ELMO1: variants seen among roughly 807,000 people sequenced by gnomAD.
ELMO1 encodes the protein engulfment and cell motility 1.
ELMO1 carries 26 observed loss-of-function variants against 98.9 expected under a neutral mutation model. The ratio of observed to expected loss-of-function variants is 0.26; its 90% CI spans 0.19 to 0.36. ELMO1 has a LOEUF of 0.36. Among genes scored for constraint, ELMO1 ranks in the 10% least tolerant of loss-of-function variants. ELMO1 has a pLI of 1.00. For missense variants in ELMO1, 627 were observed against 935.2 expected (o/e 0.67, Z 4.30); for synonymous variants, 346 against 346.0 (o/e 1.00, Z 0.00).
chr7:37,168,748 C>A (rs1185445294), intron 13 of ELMO1, among the ~76,000 whole-genome samples: 1 of 152,238 alleles, frequency 6.6e-6, no homozygotes, highest in Non-Finnish European at 1.5e-5. Flanking sequence ...TCTGCCCCTA[C>A]TGGGGGGTGC....
intron 13 of ELMO1, 43 bp downstream of exon 13, chr7:37,211,343 G>C: frequency 6.2e-7 from 1 of 1,613,300 alleles, no homozygotes; most frequent in Non-Finnish European, 8.5e-7. Flanking sequence ...GTCAGGCCCG[G>C]GGAGGCTGGA....
intron 1 of ELMO1, among the ~76,000 whole-genome samples, chr7:37,397,994 A>G (rs935030231): frequency 2.0e-5 from 3 of 152,100 alleles, no homozygotes; most frequent in Non-Finnish European, 2.9e-5. Flanking sequence ...ACACAACAAC[A>G]TACCTGTCAG....
At chr7:37,026,190 G>C (rs145215799) in intron 15 of ELMO1, among the ~76,000 whole-genome samples, 11 of 152,274 alleles carry the variant, frequency 7.2e-5, no homozygotes, top group African/African-American at 2.6e-4. Context: ...AACCATGTGA[G>C]ATGGGCACCC....
intron 13 of ELMO1, among the ~76,000 whole-genome samples, chr7:37,196,600 G>C (rs1023136054): frequency 6.6e-6 from 1 of 152,122 alleles, no homozygotes; most frequent in Admixed American, 6.5e-5. Flanking sequence ...GGGTGTCCTT[G>C]GCATGGGAGG....
At chr7:36,888,344 A>AC (rs1562798886) in intron 17 of ELMO1, among the ~76,000 whole-genome samples, 1 of 148,952 alleles carries the variant, frequency 6.7e-6, no homozygotes, top group East Asian at 1.9e-4. Flanking sequence ...TGGTTTTCAA[A>AC]TTTTTTTTTT....
At chr7:37,101,224 C>T (rs571420736) in intron 14 of ELMO1, among the ~76,000 whole-genome samples, 65 of 152,286 alleles carry the variant, frequency 4.3e-4, no homozygotes, top group Middle Eastern at 3.4e-3. Flanking sequence ...AGGTCCTCAC[C>T]TGCTTACACC....
intron 16 of ELMO1, among the ~76,000 whole-genome samples, chr7:36,951,177 C>T (rs962984456): frequency 6.6e-6 from 1 of 152,210 alleles, no homozygotes; most frequent in African/African-American, 2.4e-5. Flanking sequence ...TCTTAAGCCA[C>T]TCCAATCTAT....
chr7:37,135,516 A>G (rs142052321), intron 13 of ELMO1, among the ~76,000 whole-genome samples: 575 of 152,292 alleles, frequency 3.8e-3, no homozygotes, highest in Middle Eastern at 6.8e-3. Context: ...TGCAGGTATC[A>G]ATGGCTGCAA....
intron 13 of ELMO1, among the ~76,000 whole-genome samples, chr7:37,136,020 A>C (rs1043094077): frequency 3.9e-5 from 6 of 152,180 alleles, no homozygotes; most frequent in Non-Finnish European, 7.4e-5. Context: ...GAAACAGCAT[A>C]AATAAAAACA....
chr7:37,324,487 A>C (rs1190754791), intron 2 of ELMO1, among the ~76,000 whole-genome samples: 1 of 152,264 alleles, frequency 6.6e-6, no homozygotes, highest in African/African-American at 2.4e-5. Context: ...GGTGGTATCA[A>C]GTGAACAGAC....
intron 13 of ELMO1, among the ~76,000 whole-genome samples, chr7:37,152,689 A>G (rs1265620929): frequency 6.6e-6 from 1 of 152,220 alleles, no homozygotes; most frequent in Non-Finnish European, 1.5e-5. Flanking sequence ...AGGCTGAAAA[A>G]GAGAGGGGTA....
intron 1 of ELMO1, among the ~76,000 whole-genome samples, chr7:37,343,337 G>C (rs752170010): frequency 3.3e-5 from 5 of 152,110 alleles, no homozygotes; most frequent in African/African-American, 1.2e-4. Flanking sequence ...ATGCACCTTC[G>C]GTGGGGGGTG....
Position 36,870,907 on chromosome 7 carries a change from AGCATTT to A in ELMO1, c.1823-438_1823-433del, listed in dbSNP as rs1803451094. On this transcript the variant is annotated intron_variant, in intron 19 of 21. Coordinates refer to ENST00000310758, the MANE Select transcript of ELMO1 (RefSeq NM_014800.11). The surrounding 1 kb of genome is among the most constrained non-coding windows in gnomAD (Gnocchi z 4.4). ...TACATATATCAGTGTCTCTTGTTAC[AGCATTT>A]GCATCTATTTAGTTTCTGAGTTTTT... Among the ~76,000 whole-genome samples, 1 of 152,262 alleles carries A rather than the reference AGCATTT, an allele frequency of 6.6e-6. No homozygotes were observed. Among genetic ancestry groups the A allele is most frequent in the South Asian group, 2.1e-4 (1 of 4,836 alleles).
intron 14 of ELMO1, among the ~76,000 whole-genome samples, chr7:37,110,592 T>C (rs1002656270): frequency 1.3e-5 from 2 of 152,122 alleles, no homozygotes; most frequent in African/African-American, 4.8e-5. Flanking sequence ...AATATATATA[T>C]ATAAGTATTG....
At chr7:37,203,914 C>T (rs1246854185) in intron 13 of ELMO1, among the ~76,000 whole-genome samples, 1 of 152,120 alleles carries the variant, frequency 6.6e-6, no homozygotes, top group Non-Finnish European at 1.5e-5. Context: ...TGGTTCCAGG[C>T]AAACCAACGC....
chr7:37,263,815 A>C lies in ELMO1; in HGVS notation c.244-4465T>G, dbSNP rs941970043. On this transcript the variant is annotated intron_variant, in intron 5 of 21. Transcript: ENST00000310758. ...GGTGTGGAGGGAAGTGAGGATGTGG[A>C]AGCAGTAGACAAGGTAGCCTAGGGT... Among the ~76,000 whole-genome samples, 5 of 152,128 alleles carry C rather than the reference A, an allele frequency of 3.3e-5. No homozygotes were observed. The East Asian group carries it at 9.6e-4, about 29-fold the overall frequency.
At chr7:37,334,106 T>C (rs1024201511) in intron 2 of ELMO1, among the ~76,000 whole-genome samples, 2 of 152,182 alleles carry the variant, frequency 1.3e-5, no homozygotes, top group African/African-American at 4.8e-5. Flanking sequence ...GAACCTTGAA[T>C]CACTACACAA....
Position 37,243,937 on chromosome 7 carries a change from T to A in ELMO1, c.449+419A>T, listed in dbSNP as rs149434984. On this transcript the variant is annotated intron_variant, in intron 7 of 21. Transcript: ENST00000310758. ...AAATAATTTTCATTGCATCCTTCAA[T>A]CCTGGATACTTTTAAAAATGTGAAT... Among the ~76,000 whole-genome samples the A allele has an allele frequency of 1.4e-3, 214 of 152,316 alleles. 1 individual carries two copies. Among genetic ancestry groups the A allele is most frequent in the African/African-American group, 5.0e-3 (207 of 41,558 alleles).
intron 2 of ELMO1, among the ~76,000 whole-genome samples, chr7:37,317,831 A>C (rs1799274631): frequency 6.6e-6 from 1 of 152,254 alleles, no homozygotes; most frequent in South Asian, 2.1e-4. Context: ...GTATAACTGG[A>C]TTGTTTGTAA....
Sources: allele counts gnomAD v4.1 joint callset (sites outside exome capture counted in the v4.1 genomes callset), GRCh38; gene constraint gnomAD v4.1.1; non-coding constraint Gnocchi (gnomAD v3.1); transcripts MANE v1.5; gene names NCBI Gene and HGNC (gene_info 2026-07-23, HGNC 2026-07-21).